Variants in ITGB8 observed in about 807,000 individuals in gnomAD.
ITGB8 encodes the protein integrin beta-8.
Under a neutral mutation model 89.5 loss-of-function variants are expected in ITGB8, and 30 were observed. The observed-to-expected ratio is 0.34, with a 90% CI of 0.25 to 0.45. The LOEUF (loss-of-function observed/expected upper bound fraction) is 0.45. ITGB8 is among the 20% of genes least tolerant of loss of function. The pLI is 1.00. For synonymous variants in ITGB8, 335 were observed against 320.4 expected (o/e 1.05, Z -0.49); for missense variants, 836 against 933.3 (o/e 0.90, Z 1.36).
chr7:20,363,372 A>G (rs1785576121), intron 1 of ITGB8, among the ~76,000 whole-genome samples: 1 of 152,124 alleles, frequency 6.6e-6, no homozygotes, highest in African/African-American at 2.4e-5. Context: ...AGACCCCCAA[A>G]CCTGACCAAA....
chr7:20,395,090 A>G (rs773417393), intron 8 of ITGB8, 105 bp downstream of exon 8: 2 of 651,892 alleles, frequency 3.1e-6, no homozygotes, highest in Non-Finnish European at 5.3e-6. Flanking sequence ...AGTAGAAAGC[A>G]TATTAGATTA....
rs763395646 is a variant in ITGB8 at position 20,409,648 on chromosome 7, T to C, written c.2057T>C (p.Phe686Ser). 25 of 1,610,048 alleles carry C rather than the reference T, an allele frequency of 1.6e-5. No individual in the cohort carries two copies. The highest frequency in any genetic ancestry group is 2.1e-5 in the Non-Finnish European group (25 of 1,178,638). Residue 686 changes from phenylalanine (F) to serine (S), a missense_variant, in exon 13 of 14, where the codon TTT becomes TCT. Physicochemically the swap from Phe to Ser is radical, Grantham distance 155 (BLOSUM62 -2). Coordinates refer to ENST00000222573, the MANE Select transcript of ITGB8 (RefSeq NM_002214.3). ...TCCAGCCCAAGCTACTTGAGAATAT[T>C]TTTCATCATTTTCATAGTTACATTC... Reference protein sequence around the residue: ...CFSSPSYLRIFFIIFIVTFLI... With the variant: ...CFSSPSYLRISFIIFIVTFLI...
Position 20,398,912 on chromosome 7 carries a change from A to T in ITGB8, c.1199A>T (p.Tyr400Phe). The part of the protein sequence containing the change: ...VQVENQVQGI[Y>F]FNITAICPDG... ...GTGGAAAACCAGGTACAAGGCATCT[A>T]TTTTAACATTACCGCCATCTGTCCA... The change falls in exon 9 of 14, where the codon TAT becomes TTT. Residue 400 changes from tyrosine (Y) to phenylalanine (F), a missense_variant. Transcript: ENST00000222573. 1 of 1,610,136 alleles carries T rather than the reference A, an allele frequency of 6.2e-7. No homozygotes were observed. Among genetic ancestry groups the T allele is most frequent in the Non-Finnish European group, 8.5e-7 (1 of 1,178,632 alleles).
In ITGB8 at chr7:20,401,881, G is replaced by A. The variant is rs80015015; in HGVS notation, c.1442G>A (p.Cys481Tyr). ...GACAACAGAGGACCTAAAGGAAAGT[G>A]TGTAGATGAAACTTTTCTAGATTCC... is the stretch of plus-strand genomic sequence containing the variant. ...CEDNRGPKGK[C>Y]VDETFLDSKC... The change falls in exon 10 of 14, where the codon TGT becomes TAT. Residue 481 changes from cysteine (C) to tyrosine (Y), a missense_variant. Cys to Tyr is a radical substitution (Grantham distance 194, BLOSUM62 -2). Coordinates refer to ENST00000222573, the MANE Select transcript of ITGB8 (RefSeq NM_002214.3). 2,113 of 1,614,110 alleles carry A rather than the reference G, an allele frequency of 1.3e-3. 62 individuals are homozygous for A. In the East Asian group the frequency reaches 0.046, roughly 35 times the overall value.
In ITGB8 at chr7:20,368,842, T is replaced by G. The variant is rs187826150; in HGVS notation, c.388+1656T>G. 3.3e-5 allele frequency among the ~76,000 whole-genome samples: 5 copies of G among 152,250 alleles called. No individual in the cohort carries two copies. The East Asian group carries it at 9.6e-4, about 29-fold the overall frequency. ...ATCCTACTAGGTTTGTAATCCCAGTTTTTCTGATCTATATGAGCCTGAGAT... is the reference window on the plus strand; with the variant it reads ...ATCCTACTAGGTTTGTAATCCCAGTGTTTCTGATCTATATGAGCCTGAGAT... On this transcript the variant is annotated intron_variant, in intron 3 of 13. Coordinates refer to ENST00000222573, the MANE Select transcript of ITGB8 (RefSeq NM_002214.3).
chr7:20,387,759 T>G (rs1786687576), intron 6 of ITGB8, among the ~76,000 whole-genome samples: 3 of 152,062 alleles, frequency 2.0e-5, no homozygotes. Flanking sequence ...GCACTACTCT[T>G]GAGAAACCCT....
chr7:20,388,071 T>C (rs1027898024), intron 6 of ITGB8, among the ~76,000 whole-genome samples: 2 of 152,230 alleles, frequency 1.3e-5, no homozygotes, highest in Non-Finnish European at 2.9e-5. Flanking sequence ...TCCACGTAGA[T>C]ATACACATTA....
At chr7:20,397,249 G>T (rs1440559217) in intron 8 of ITGB8, among the ~76,000 whole-genome samples, 3 of 148,346 alleles carry the variant, frequency 2.0e-5, no homozygotes, top group Admixed American at 2.0e-4. Flanking sequence ...TTTTTAGATG[G>T]AATTTTACTC....
At chr7:20,403,885 C>CAAAACTTA in intron 10 of ITGB8, among the ~76,000 whole-genome samples, 1 of 152,252 alleles carries the variant, frequency 6.6e-6, no homozygotes, top group South Asian at 2.1e-4. Context: ...ATTTCTAGTG[C>CAAAACTTA]ACATTGGCAT....
rs144469691 is a variant in ITGB8 at position 20,412,542 on chromosome 7, A to G, written c.*2545A>G. ...TGAAATCCTTAAAAATCCAGAGTTT[A>G]TATTTTTTTTATACCCTCACTTGTT... On this transcript the variant is annotated 3_prime_UTR_variant, in exon 14 of 14. Coordinates refer to ENST00000222573, the MANE Select transcript of ITGB8 (RefSeq NM_002214.3). The G allele has an allele frequency of 8.0e-4, 122 of 152,726 alleles. No individual in the cohort carries two copies. The highest frequency in any genetic ancestry group is 2.8e-3 in the African/African-American group (118 of 41,580). The allele number at this position is 152,726 out of a possible 1,614,324, so 9.5% of individuals were successfully genotyped here.
At chr7:20,403,973 A>C (rs550005089) in intron 10 of ITGB8, among the ~76,000 whole-genome samples, 15 of 152,294 alleles carry the variant, frequency 9.8e-5, no homozygotes, top group Non-Finnish European at 1.8e-4. Context: ...CACATGCATA[A>C]TGTTCCCCCA....
intron 11 of ITGB8, 93 bp downstream of exon 11, chr7:20,404,946 A>T (rs1037819942): frequency 9.6e-7 from 1 of 1,040,574 alleles, no homozygotes. Flanking sequence ...TGCCAGATAC[A>T]TTGTGACCAC....
At chr7:20,357,231 A>G (rs766753057) in intron 1 of ITGB8, among the ~76,000 whole-genome samples, 50 of 152,180 alleles carry the variant, frequency 3.3e-4, no homozygotes, top group Non-Finnish European at 6.3e-4. Flanking sequence ...CCAAAATTGT[A>G]TTTGTAATAG....
chr7:20,400,963 G>A (rs1440620255), intron 9 of ITGB8, among the ~76,000 whole-genome samples: 1 of 151,956 alleles, frequency 6.6e-6, no homozygotes, highest in African/African-American at 2.4e-5. Flanking sequence ...TTATCTCAGG[G>A]TTTTGATTTT....
chr7:20,343,212 C>A (rs533124832), intron 1 of ITGB8, among the ~76,000 whole-genome samples: 1 of 152,258 alleles, frequency 6.6e-6, no homozygotes, highest in Non-Finnish European at 1.5e-5. Flanking sequence ...GCTTTGCTGC[C>A]GTTTGGCCAG....
At chr7:20,332,169 C>T (rs1024083898) in intron 1 of ITGB8, 26 of 921,712 alleles carry the variant, frequency 2.8e-5, no homozygotes, top group Non-Finnish European at 3.9e-5. Context: ...CTGTGTTACT[C>T]CTAGGTGTTG....
intron 7 of ITGB8, among the ~76,000 whole-genome samples, chr7:20,394,292 C>T (rs1786983239): frequency 1.3e-5 from 2 of 152,168 alleles, no homozygotes; most frequent in South Asian, 4.1e-4. Context: ...TTCATGCAGA[C>T]CTTTAAAGCC....
rs1787689985 is a variant in ITGB8, at chr7:20,409,755, TAC to T, written c.2166_2167del (p.Tyr722Ter). 1 of 1,613,218 alleles carries T rather than the reference TAC, an allele frequency of 6.2e-7. No homozygotes were observed. The highest frequency in any genetic ancestry group is 8.5e-7 in the Non-Finnish European group (1 of 1,179,532). On this transcript the variant is annotated frameshift_variant, in exon 13 of 14. Coordinates refer to ENST00000222573, the MANE Select transcript of ITGB8 (RefSeq NM_002214.3). LOFTEE classifies it high-confidence loss of function. ...TAATAAAATTAAGTCCTCATCAGAT[TAC>T]AGAGTGTCAGCCTCAAAAAAGGTCA... The part of the protein sequence containing the change: ...NSNKIKSSSD[Y>X]RVSASKKDKL...
intron 1 of ITGB8, among the ~76,000 whole-genome samples, chr7:20,340,804 AC>A (rs1784733150): frequency 6.6e-6 from 1 of 152,222 alleles, no homozygotes; most frequent in Non-Finnish European, 1.5e-5. Flanking sequence ...ATGAGGGATT[AC>A]CACTATGCTG....
Sources: allele counts gnomAD v4.1 joint callset (sites outside exome capture counted in the v4.1 genomes callset), GRCh38; gene constraint gnomAD v4.1.1; transcripts MANE v1.5; gene names NCBI Gene and HGNC (gene_info 2026-07-23, HGNC 2026-07-21).